Variants in UBTD2 observed in about 807,000 individuals in gnomAD.
The protein encoded by UBTD2 is ubiquitin domain containing 2, also known as ubiquitin domain-containing protein 2.
In UBTD2, 9 loss-of-function variants were observed where a neutral mutation model predicts 19.8. The ratio of observed to expected loss-of-function variants is 0.46; its 90% CI spans 0.27 to 0.79. The LOEUF is 0.79. Among genes scored for constraint, UBTD2 ranks in the 30% least tolerant of loss-of-function variants. The pLI, the probability that UBTD2 is intolerant of heterozygous loss-of-function variation, is 0.14. For synonymous variants in UBTD2, 98 were observed against 103.9 expected, an observed-to-expected ratio of 0.94 and a Z score of 0.35; for missense variants, 250 against 300.4, an observed-to-expected ratio of 0.83 and a Z score of 1.24.
chr5:172,218,775 C>CAAAAAAAAAAAAAAAAAAAAA (rs1196929218), intron 2 of UBTD2, among the ~76,000 whole-genome samples: 2 of 50,484 alleles, frequency 4.0e-5, no homozygotes, highest in African/African-American at 7.1e-5. Context: ...ACCCTGTCAC[C>CAAAAAAAAAAAAAAAAAAAAA]AAAAAAAAAA....
intron 1 of UBTD2, among the ~76,000 whole-genome samples, chr5:172,240,885 A>C (rs1772112828): frequency 6.6e-6 from 1 of 152,186 alleles, no homozygotes. Context: ...AAGGAGTTCA[A>C]GATCAGCCTG....
chr5:172,215,325 C>T (rs1771520586), intron 2 of UBTD2, among the ~76,000 whole-genome samples: 1 of 152,148 alleles, frequency 6.6e-6, no homozygotes. Context: ...TAACTAGAGT[C>T]TATCCTGCTG....
chr5:172,273,973 C>T (rs1755554303), intron 1 of UBTD2, among the ~76,000 whole-genome samples: 1 of 151,904 alleles, frequency 6.6e-6, no homozygotes. Flanking sequence ...TGTAAATGTC[C>T]TAAAAGTCTC....
At chr5:172,279,077 C>T (rs1755662935) in intron 1 of UBTD2, among the ~76,000 whole-genome samples, 1 of 152,150 alleles carries the variant, frequency 6.6e-6, no homozygotes, top group Non-Finnish European at 1.5e-5. Flanking sequence ...TGGGCCTGGC[C>T]AATTTTGTCA....
At chr5:172,253,457 A>G (rs1755069761) in intron 1 of UBTD2, among the ~76,000 whole-genome samples, 1 of 145,882 alleles carries the variant, frequency 6.9e-6, no homozygotes, top group African/African-American at 2.5e-5. Context: ...AACCCTATCA[A>G]TTTTTTTTTT....
chr5:172,219,323 A>G (rs1020988377), intron 2 of UBTD2, among the ~76,000 whole-genome samples: 2 of 152,246 alleles, frequency 1.3e-5, no homozygotes, highest in Admixed American at 6.5e-5. Flanking sequence ...CTCTTGGTCA[A>G]CTGTGGTCCA....
At position 172,220,152 on chromosome 5, in the gene UBTD2, C is replaced by G. The variant is rs1427703234; in HGVS notation, c.308-7925G>C. ...ACACCATGACCAAGTAGGCTTTAGT[C>G]TCAAGTATTCAAGACTGGTTCAACA... On this transcript the variant is annotated intron_variant, in intron 2 of 2. Transcript: ENST00000393792. 4.6e-5 allele frequency among the ~76,000 whole-genome samples: 7 copies of G among 152,180 alleles called. No homozygotes were observed. The East Asian group carries it at 1.2e-3, about 25-fold the overall frequency.
At chr5:172,224,469 T>A (rs970940556) in intron 2 of UBTD2, among the ~76,000 whole-genome samples, 18 of 152,046 alleles carry the variant, frequency 1.2e-4, no homozygotes, top group African/African-American at 4.1e-4. Context: ...TTTTGTACTT[T>A]TAGTAGAGAT....
chr5:172,270,613 CA>C (rs1243992588), intron 1 of UBTD2, among the ~76,000 whole-genome samples: 1 of 152,034 alleles, frequency 6.6e-6, no homozygotes, highest in East Asian at 1.9e-4. Flanking sequence ...CTCAGCCTCC[CA>C]AAGTGCTGGG....
At position 172,275,166 on chromosome 5, in the gene UBTD2, G is replaced by C. The variant is rs1432344641; in HGVS notation, c.70+8430C>G. Among the ~76,000 whole-genome samples the C allele has an allele frequency of 2.0e-5, 3 of 152,196 alleles. No homozygotes were observed. The East Asian group carries it at 5.8e-4, about 29-fold the overall frequency. ...TGGAAGGGGCAACAAACACGTCCTT[G>C]TTCACATGGCAGGAGGAAGAAGTGC... On this transcript the variant is annotated intron_variant, in intron 1 of 2. Coordinates refer to ENST00000393792, the MANE Select transcript of UBTD2 (RefSeq NM_152277.3).
At chr5:172,232,935 A>G (rs1035773573) in intron 2 of UBTD2, among the ~76,000 whole-genome samples, 4 of 151,970 alleles carry the variant, frequency 2.6e-5, no homozygotes, top group Admixed American at 6.6e-5. Flanking sequence ...TGAGGTCAGG[A>G]GCTGAGACCA....
At chr5:172,255,493 G>T in intron 1 of UBTD2, 2 of 347,756 alleles carry the variant, frequency 5.8e-6, no homozygotes, top group South Asian at 5.8e-5. Context: ...GGTTAGGGAC[G>T]CCGCCCACGA....
At position 172,283,586 on chromosome 5, in the gene UBTD2, G is replaced by A; in HGVS notation, c.70+10C>T. ...TGGGGGGCCGAGGCTGCCCCCTGGC[G>A]CTCACCTACCTCCGGTGCCCTCCGA... is the stretch of plus-strand genomic sequence containing the variant. On this transcript the variant is annotated intron_variant, in intron 1 of 2. Coordinates refer to ENST00000393792, the MANE Select transcript of UBTD2 (RefSeq NM_152277.3). This position sits in a 1 kb window ranked among gnomAD's most constrained non-coding sequence, Gnocchi z 4.3. 1 of 1,305,244 alleles carries A rather than the reference G, an allele frequency of 7.7e-7. No individual in the cohort carries two copies. Among genetic ancestry groups the A allele is most frequent in the Non-Finnish European group, 9.8e-7 (1 of 1,018,948 alleles). 80.9% of individuals were successfully genotyped at this position (1,305,244 alleles called of 1,614,324 possible).
rs567033154 is a variant in UBTD2 at position 172,229,872 on chromosome 5, C to T, written c.307+4250G>A. On this transcript the variant is annotated intron_variant, in intron 2 of 2. Coordinates refer to ENST00000393792, the MANE Select transcript of UBTD2 (RefSeq NM_152277.3). ...CCCTGTTTATACCAATTTGGCAAAT[C>T]GCTGATCTATAACCTGGTTTCACTG... Among the ~76,000 whole-genome samples, 89 of 152,172 alleles carry T rather than the reference C, an allele frequency of 5.8e-4. 1 individual carries two copies. The highest frequency in any genetic ancestry group is 5.2e-4 in the Admixed American group (8 of 15,276).
chr5:172,215,479 A>C (rs1251764353), intron 2 of UBTD2, among the ~76,000 whole-genome samples: 2 of 152,188 alleles, frequency 1.3e-5, no homozygotes, highest in Admixed American at 1.3e-4. Context: ...GCTCACAAAA[A>C]GACTAAAACC....
chr5:172,236,141 T>C (rs773660399), intron 1 of UBTD2, among the ~76,000 whole-genome samples: 11 of 152,244 alleles, frequency 7.2e-5, no homozygotes, highest in African/African-American at 1.7e-4. Flanking sequence ...GTCAGGTCTC[T>C]TCTGTCCTCT....
At chr5:172,253,836 T>C (rs1755081097) in intron 1 of UBTD2, among the ~76,000 whole-genome samples, 1 of 152,236 alleles carries the variant, frequency 6.6e-6, no homozygotes, top group Non-Finnish European at 1.5e-5. Context: ...CAACTGACAA[T>C]TGATTATGTT....
rs776943376 is a variant in UBTD2 at position 172,234,366 on chromosome 5, G to A, written c.71-8C>T. On this transcript the variant is annotated splice_polypyrimidine_tract_variant and splice_region_variant and intron_variant, in intron 1 of 2. Coordinates refer to ENST00000393792, the MANE Select transcript of UBTD2 (RefSeq NM_152277.3). ...GGTTACGACCTAGAGCAACTGAAAA[G>A]AAAAATAAAAGACTGAGATCAAACC... The A allele has an allele frequency of 1.6e-5, 25 of 1,611,416 alleles. No individual in the cohort carries two copies. In the South Asian group the frequency reaches 2.4e-4, roughly 16 times the overall value.
chr5:172,227,480 C>G (rs938620547), intron 2 of UBTD2, among the ~76,000 whole-genome samples: 1 of 151,990 alleles, frequency 6.6e-6, no homozygotes, highest in Admixed American at 6.6e-5. Flanking sequence ...GTAAATATAT[C>G]TTCATGCCTT....
Sources: gnomAD v4.1 joint callset for allele counts (sites outside exome capture counted in the v4.1 genomes callset) on GRCh38, gnomAD v4.1.1 for gene constraint, Gnocchi (gnomAD v3.1) non-coding constraint, MANE v1.5 for transcripts, NCBI Gene and HGNC (gene_info 2026-07-23, HGNC 2026-07-21) for gene names.